OSBPL11: variants seen among roughly 807,000 people sequenced by gnomAD.
The protein encoded by OSBPL11 is oxysterol-binding protein-related protein 11.
Under a neutral mutation model 84.4 loss-of-function variants are expected in OSBPL11, and 33 were observed. That is an observed-to-expected ratio of 0.39 (90% CI 0.30 to 0.52). The LOEUF (loss-of-function observed/expected upper bound fraction) is 0.52. Ranked by LOEUF, OSBPL11 falls within the 20% of genes least tolerant of loss-of-function variation. The pLI, the probability that OSBPL11 is intolerant of heterozygous loss-of-function variation, is 0.72. For missense variants in OSBPL11, 736 were observed against 901.1 expected (o/e 0.82, Z 2.35); for synonymous variants, 276 against 310.2 (o/e 0.89, Z 1.16).
intron 5 of OSBPL11, among the ~76,000 whole-genome samples, chr3:125,573,673 G>A (rs1481967969): frequency 6.6e-6 from 1 of 151,902 alleles, no homozygotes; most frequent in East Asian, 1.9e-4. Context: ...AACCATCCTG[G>A]CCAACATGGA....
chr3:125,574,759 G>C (rs960604897), intron 5 of OSBPL11, among the ~76,000 whole-genome samples: 2 of 152,088 alleles, frequency 1.3e-5, no homozygotes, highest in Admixed American at 1.3e-4. Flanking sequence ...TTTACTCACT[G>C]TATAATAATA....
At chr3:125,579,828 G>T in intron 3 of OSBPL11, 37 bp downstream of exon 3, 2 of 1,594,660 alleles carry the variant, frequency 1.3e-6, no homozygotes, top group Non-Finnish European at 1.7e-6. Context: ...AAAAAAAGAG[G>T]AAAATCACAG....
Position 125,532,013 on chromosome 3 carries a change from G to T in OSBPL11, c.2026C>A (p.Arg676=). 6.3e-7 allele frequency: 1 copy of T among 1,595,870 alleles called. No individual in the cohort carries two copies. The highest frequency in any genetic ancestry group is 8.5e-7 in the Non-Finnish European group (1 of 1,173,926). Residue 676 remains arginine (R), a splice_region_variant and synonymous_variant, in exon 12 of 13, where the codon CGA becomes AGA. Coordinates refer to ENST00000296220, the MANE Select transcript of OSBPL11 (RefSeq NM_022776.5). ...LEKQDPFESR[R]LWKNVTDSLR... is the part of the protein sequence containing the mutation. The stretch of plus-strand genomic sequence containing the variant: ...GAGTCTGTCACATTTTTCCACAATC[G>T]CCTGAAATCCAAAAACCACACATTT...
intron 1 of OSBPL11, among the ~76,000 whole-genome samples, chr3:125,586,919 T>G (rs774195734): frequency 6.6e-6 from 1 of 152,160 alleles, no homozygotes; most frequent in Non-Finnish European, 1.5e-5. Context: ...CTCAAAACAA[T>G]TACTCAATAC....
At position 125,530,381 on chromosome 3, in the gene OSBPL11, T is replaced by C. The variant is rs1935539184; in HGVS notation, c.*134A>G. On this transcript the variant is annotated 3_prime_UTR_variant, in exon 13 of 13. Coordinates refer to ENST00000296220, the MANE Select transcript of OSBPL11 (RefSeq NM_022776.5). ...TTGCTGCAGTATTATGGTGCCCTAG[T>C]AGGTACATTCAGGTTTAGCTAGTTT... 2 of 790,134 alleles carry C rather than the reference T, an allele frequency of 2.5e-6. No homozygotes were observed. The highest frequency in any genetic ancestry group is 1.7e-5 in the African/African-American group (1 of 58,722). The allele number at this position is 790,134 out of a possible 1,614,324, so 48.9% of individuals were successfully genotyped here.
chr3:125,565,717 T>C (rs765950966), intron 6 of OSBPL11, among the ~76,000 whole-genome samples: 27 of 152,120 alleles, frequency 1.8e-4, no homozygotes, highest in Non-Finnish European at 3.1e-4. Context: ...GAAGAGAAAA[T>C]TTATATTGAA....
intron 10 of OSBPL11, among the ~76,000 whole-genome samples, chr3:125,543,037 CAGAT>C (rs1935756057): frequency 2.0e-5 from 3 of 151,612 alleles, no homozygotes; most frequent in African/African-American, 4.8e-5. Flanking sequence ...GTTATTGAAT[CAGAT>C]AGACCAGTTC....
chr3:125,585,974 T>C (rs1936504306), intron 1 of OSBPL11, among the ~76,000 whole-genome samples: 1 of 152,222 alleles, frequency 6.6e-6, no homozygotes, highest in African/African-American at 2.4e-5. Flanking sequence ...TAGTGCCTCA[T>C]GCCTGTAATC....
chr3:125,559,770 C>T (rs937052836), intron 8 of OSBPL11, among the ~76,000 whole-genome samples: 9 of 151,992 alleles, frequency 5.9e-5, no homozygotes, highest in African/African-American at 2.2e-4. Context: ...TCAATTGATC[C>T]ACCTGTCTCA....
intron 8 of OSBPL11, among the ~76,000 whole-genome samples, chr3:125,557,791 C>CTTTTTTTTTTTT (rs11295103): frequency 1.2e-5 from 1 of 81,976 alleles, no homozygotes. Context: ...ATACAACTTT[C>CTTTTTTTTTTTT]TTTTTTTTTT....
chr3:125,539,795 A>T (rs1580034892), intron 10 of OSBPL11, among the ~76,000 whole-genome samples: 1 of 152,286 alleles, frequency 6.6e-6, no homozygotes, highest in South Asian at 2.1e-4. Context: ...TAGGACACAG[A>T]TAACAACAGG....
At chr3:125,568,451 A>C (rs778924680) in intron 5 of OSBPL11, among the ~76,000 whole-genome samples, 1 of 151,988 alleles carries the variant, frequency 6.6e-6, no homozygotes, top group African/African-American at 2.4e-5. Flanking sequence ...AAAAAAGGGA[A>C]TATTAAGCCA....
chr3:125,592,383 A>G (rs748893171), intron 1 of OSBPL11, among the ~76,000 whole-genome samples: 1 of 152,198 alleles, frequency 6.6e-6, no homozygotes, highest in Non-Finnish European at 1.5e-5. Context: ...ATAATTAGAA[A>G]TGGATGGAAA....
At chr3:125,563,664 T>G (rs745762606) in intron 7 of OSBPL11, 34 bp downstream of exon 7, 29 of 1,608,538 alleles carry the variant, frequency 1.8e-5, no homozygotes, top group Non-Finnish European at 2.5e-5. Context: ...TACCTAATTT[T>G]TCACATCAAA....
intron 1 of OSBPL11, among the ~76,000 whole-genome samples, chr3:125,593,993 T>C (rs988529683): frequency 6.6e-6 from 1 of 152,224 alleles, no homozygotes; most frequent in Admixed American, 6.5e-5. Flanking sequence ...GTTCCTTAAG[T>C]TGTTCATTCA....
At chr3:125,540,914 GC>G (rs1228246940) in intron 10 of OSBPL11, among the ~76,000 whole-genome samples, 1 of 152,180 alleles carries the variant, frequency 6.6e-6, no homozygotes, top group African/African-American at 2.4e-5. Context: ...GAGGAGGAAG[GC>G]CTCATCACTT....
chr3:125,571,197 G>A (rs1936237582), intron 5 of OSBPL11, among the ~76,000 whole-genome samples: 1 of 152,194 alleles, frequency 6.6e-6, no homozygotes, highest in Admixed American at 6.5e-5. Flanking sequence ...CTAGAGATCT[G>A]TGAAACTTTG....
rs1172064220 is a variant in OSBPL11, at chr3:125,594,844, A to T, written c.-44T>A. 3.2e-6 allele frequency: 5 copies of T among 1,586,288 alleles called. No homozygotes were observed. The Middle Eastern group carries it at 5.1e-4, about 161-fold the overall frequency. ...TTGCCCTTCTTGAGCGGGAGAGAACAATTCTGTAGTTCTGTAGGTGACTTT... is the reference window on the plus strand; with the variant it reads ...TTGCCCTTCTTGAGCGGGAGAGAACTATTCTGTAGTTCTGTAGGTGACTTT... On this transcript the variant is annotated 5_prime_UTR_variant, in exon 1 of 13. Coordinates refer to ENST00000296220, the MANE Select transcript of OSBPL11 (RefSeq NM_022776.5).
intron 8 of OSBPL11, among the ~76,000 whole-genome samples, chr3:125,558,040 T>C (rs1288580594): frequency 1.3e-5 from 2 of 152,114 alleles, no homozygotes; most frequent in Non-Finnish European, 2.9e-5. Context: ...GTAATCCACC[T>C]GCCTTGGCCT....
Sources: allele counts gnomAD v4.1 joint callset (sites outside exome capture counted in the v4.1 genomes callset), GRCh38; gene constraint gnomAD v4.1.1; transcripts MANE v1.5; gene names NCBI Gene and HGNC (gene_info 2026-07-23, HGNC 2026-07-21).